Variants in PDGFRL observed in about 807,000 individuals in gnomAD.
PDGFRL encodes the protein platelet derived growth factor receptor like.
PDGFRL carries 46 observed loss-of-function variants against 37.2 expected under a neutral mutation model. The observed-to-expected ratio is 1.24, with a 90% CI of 0.98 to 1.58. The LOEUF (loss-of-function observed/expected upper bound fraction) is 1.58, where lower values mean the gene tolerates loss of function less well. Ranked by LOEUF, PDGFRL falls within the 40% of genes most tolerant of loss-of-function variation. The pLI is 0.00. For missense variants in PDGFRL, 692 were observed against 467.6 expected (o/e 1.48, Z -4.43); for synonymous variants, 251 against 184.3 (o/e 1.36, Z -2.93).
chr8:17,628,442 T>A (rs199740487), intron 3 of PDGFRL, 45 bp from the exon 4 acceptor site: 6 of 1,520,858 alleles, frequency 3.9e-6, no homozygotes, highest in Non-Finnish European at 4.6e-6. Context: ...GCTTTTACTT[T>A]GCGTCTCCGG....
chr8:17,634,631 T>C (rs1156382499), intron 5 of PDGFRL, among the ~76,000 whole-genome samples: 1 of 152,200 alleles, frequency 6.6e-6, no homozygotes, highest in Admixed American at 6.5e-5. Context: ...AAGAATACTA[T>C]GCAGCCATGA....
intron 5 of PDGFRL, among the ~76,000 whole-genome samples, chr8:17,636,562 T>G (rs1481152264): frequency 0.088 from 9 of 102 alleles, no homozygotes; most frequent in Non-Finnish European, 0.17. Flanking sequence ...CTAGATTTGT[T>G]TTTTTTTTTT....
chr8:17,615,744 G>A (rs531755431), intron 2 of PDGFRL, among the ~76,000 whole-genome samples: 41 of 152,100 alleles, frequency 2.7e-4, no homozygotes, highest in Non-Finnish European at 5.7e-4. Context: ...GCAAGACCCT[G>A]TCTCTACAAA....
intron 4 of PDGFRL, 123 bp downstream of exon 4, chr8:17,628,903 G>GGTT (rs910182583): frequency 3.0e-6 from 2 of 657,832 alleles, no homozygotes; most frequent in African/African-American, 1.8e-5. Flanking sequence ...ATTGTTGTTG[G>GGTT]GTTGTTGTTG....
At chr8:17,625,762 G>C (rs1048783935) in intron 3 of PDGFRL, among the ~76,000 whole-genome samples, 1 of 152,212 alleles carries the variant, frequency 6.6e-6, no homozygotes, top group Admixed American at 6.5e-5. Flanking sequence ...GCCAAGGCAG[G>C]AGGACTGCTT....
chr8:17,629,077 C>A (rs1804800500), intron 4 of PDGFRL, among the ~76,000 whole-genome samples: 2 of 147,398 alleles, frequency 1.4e-5, no homozygotes, highest in Non-Finnish European at 1.5e-5. Flanking sequence ...GCCACCATGC[C>A]CTGCTAACTT....
intron 2 of PDGFRL, among the ~76,000 whole-genome samples, chr8:17,603,639 A>G (rs2517182): frequency 0.94 from 143,535 of 152,250 alleles, 68,237 homozygotes; most frequent in East Asian, 1. Context: ...CCACTGTTTT[A>G]TCATAAGCAT....
At chr8:17,602,664 A>T (rs1440286242) in intron 2 of PDGFRL, among the ~76,000 whole-genome samples, 1 of 152,170 alleles carries the variant, frequency 6.6e-6, no homozygotes, top group Non-Finnish European at 1.5e-5. Context: ...TGAAAACCTG[A>T]TACTGGGCTA....
chr8:17,580,626 T>A (rs2150806486), intron 1 of PDGFRL, among the ~76,000 whole-genome samples: 1 of 152,184 alleles, frequency 6.6e-6, no homozygotes, highest in East Asian at 1.9e-4. Flanking sequence ...AAGATACAAT[T>A]TAAGGAAGTG....
chr8:17,635,414 A>G (rs1049418747), intron 5 of PDGFRL, among the ~76,000 whole-genome samples: 1 of 152,076 alleles, frequency 6.6e-6, no homozygotes, highest in Non-Finnish European at 1.5e-5. Flanking sequence ...GAATTACTTC[A>G]ATTAGAATAA....
chr8:17,613,957 C>T (rs1046841962), intron 2 of PDGFRL, among the ~76,000 whole-genome samples: 25 of 152,166 alleles, frequency 1.6e-4, no homozygotes, highest in Non-Finnish European at 2.6e-4. Context: ...CATTTCACAA[C>T]GTAACTGGTT....
At chr8:17,620,763 A>G (rs1238725231) in intron 2 of PDGFRL, among the ~76,000 whole-genome samples, 3 of 152,354 alleles carry the variant, frequency 2.0e-5, no homozygotes, top group Admixed American at 1.3e-4. Flanking sequence ...TACGCTGAAA[A>G]GCCGAATAAT....
At chr8:17,598,317 TATTTA>T (rs1804096151) in intron 2 of PDGFRL, among the ~76,000 whole-genome samples, 1 of 152,240 alleles carries the variant, frequency 6.6e-6, no homozygotes, top group Admixed American at 6.5e-5. Flanking sequence ...CTTATTTGTT[TATTTA>T]ATTGATTACT....
intron 4 of PDGFRL, among the ~76,000 whole-genome samples, chr8:17,630,238 C>T (rs1804834632): frequency 6.6e-6 from 1 of 152,222 alleles, no homozygotes; most frequent in South Asian, 2.1e-4. Flanking sequence ...TTCCAGTTGG[C>T]CTTACTCCCT....
intron 2 of PDGFRL, among the ~76,000 whole-genome samples, chr8:17,607,643 G>C (rs1804311511): frequency 6.6e-6 from 1 of 152,190 alleles, no homozygotes; most frequent in Non-Finnish European, 1.5e-5. Context: ...ACCAGTGATT[G>C]CATGTATTTT....
chr8:17,591,297 C>T (rs957578787), intron 2 of PDGFRL, among the ~76,000 whole-genome samples: 3 of 152,254 alleles, frequency 2.0e-5, no homozygotes, highest in East Asian at 1.9e-4. Flanking sequence ...GGCTAGGCTT[C>T]TAGACCAGGA....
intron 2 of PDGFRL, among the ~76,000 whole-genome samples, chr8:17,595,008 T>C (rs1292943953): frequency 6.7e-6 from 1 of 149,770 alleles, no homozygotes; most frequent in African/African-American, 2.5e-5. Context: ...CACGTACATT[T>C]TTTTTTTTTC....
chr8:17,597,301 A>C (rs2517162), intron 2 of PDGFRL, among the ~76,000 whole-genome samples: 7 of 152,194 alleles, frequency 4.6e-5, no homozygotes, highest in Non-Finnish European at 8.8e-5. Flanking sequence ...GATTTCAGGC[A>C]TGAGCCTCCT....
intron 2 of PDGFRL, among the ~76,000 whole-genome samples, chr8:17,612,087 A>G (rs930408067): frequency 4.3e-4 from 65 of 152,214 alleles, no homozygotes; most frequent in African/African-American, 1.6e-3. Flanking sequence ...GATGTGTTAT[A>G]CTCCAGTTGG....
Sources: allele counts gnomAD v4.1 joint callset (sites outside exome capture counted in the v4.1 genomes callset), GRCh38; gene constraint gnomAD v4.1.1; transcripts MANE v1.5; gene names NCBI Gene and HGNC (gene_info 2026-07-23, HGNC 2026-07-21).